HYAL4: variants seen among roughly 807,000 people sequenced by gnomAD.
The protein encoded by HYAL4 is hyaluronidase 4.
In HYAL4, 37 loss-of-function variants were observed where a neutral mutation model predicts 35.2. That is an observed-to-expected ratio of 1.05 (90% CI 0.81 to 1.38). HYAL4 has a LOEUF of 1.38. Among genes scored for constraint, HYAL4 ranks in the 40% most tolerant of loss-of-function variants. The probability of loss-of-function intolerance (pLI) is 0.00; values close to 1 mark genes in which losing one functional copy is unlikely to be tolerated. For synonymous variants in HYAL4, 198 were observed against 203.2 expected (o/e 0.97, Z 0.22); for missense variants, 572 against 572.4 (o/e 1.00, Z 0.01).
chr7:123,854,744 G>T (rs1324743456), intron 2 of HYAL4, among the ~76,000 whole-genome samples: 1 of 152,132 alleles, frequency 6.6e-6, no homozygotes, highest in Non-Finnish European at 1.5e-5. Context: ...GGTCTACTTG[G>T]TCCAGAGCTG....
the HYAL4 span, among the ~76,000 whole-genome samples, chr7:123,808,729 C>T: frequency 2.0e-5 from 3 of 152,052 alleles, no homozygotes; most frequent in African/African-American, 7.2e-5. Flanking sequence ...GGCTTATAAA[C>T]AACAGAAATT....
chr7:123,801,652 C>A, the HYAL4 span, among the ~76,000 whole-genome samples: 1 of 152,036 alleles, frequency 6.6e-6, no homozygotes, highest in Non-Finnish European at 1.5e-5. Flanking sequence ...AATTTTATTT[C>A]ATGTTTGATT....
At chr7:123,767,224 A>G in the HYAL4 span, among the ~76,000 whole-genome samples, 1 of 152,186 alleles carries the variant, frequency 6.6e-6, no homozygotes, top group African/African-American at 2.4e-5. Flanking sequence ...ACTTTATCGT[A>G]TATGCCTCTC....
At chr7:123,875,774 AT>A (rs1219687346) in intron 4 of HYAL4, among the ~76,000 whole-genome samples, 7 of 151,986 alleles carry the variant, frequency 4.6e-5, no homozygotes, top group African/African-American at 1.5e-4. Context: ...ATTAATCACA[AT>A]CTCTTCCATA....
the HYAL4 span, among the ~76,000 whole-genome samples, chr7:123,821,199 T>A: frequency 6.6e-6 from 1 of 152,184 alleles, no homozygotes; most frequent in Non-Finnish European, 1.5e-5. Flanking sequence ...CATATAGTAG[T>A]TATTATAGTT....
At chr7:123,849,946 A>G (rs1806265322) in intron 2 of HYAL4, among the ~76,000 whole-genome samples, 1 of 152,196 alleles carries the variant, frequency 6.6e-6, no homozygotes, top group African/African-American at 2.4e-5. Context: ...ATGTTTCTAT[A>G]TTTCTCATAT....
chr7:123,806,686 A>G, the HYAL4 span, among the ~76,000 whole-genome samples: 1 of 151,648 alleles, frequency 6.6e-6, no homozygotes, highest in African/African-American at 2.4e-5. Flanking sequence ...TCCCAACCTC[A>G]GGTGATCCAT....
the HYAL4 span, among the ~76,000 whole-genome samples, chr7:123,789,178 T>C: frequency 6.6e-6 from 1 of 152,250 alleles, no homozygotes; most frequent in Non-Finnish European, 1.5e-5. Context: ...CTCAAGAAGA[T>C]TGTTATTTCT....
At chr7:123,867,173 AG>A (rs2116954566) in intron 2 of HYAL4, among the ~76,000 whole-genome samples, 1 of 152,296 alleles carries the variant, frequency 6.6e-6, no homozygotes, top group Non-Finnish European at 1.5e-5. Context: ...CTGCAGAGAA[AG>A]CCAATCACTG....
chr7:123,873,975 T>A (rs919236847), intron 3 of HYAL4, among the ~76,000 whole-genome samples: 2 of 152,300 alleles, frequency 1.3e-5, no homozygotes, highest in Middle Eastern at 3.4e-3. Context: ...TAACGTTGCT[T>A]CTTTGCCTGG....
chr7:123,861,294 A>G (rs17146431), intron 2 of HYAL4, among the ~76,000 whole-genome samples: 3,852 of 152,320 alleles, frequency 0.025, 153 homozygotes, highest in African/African-American at 0.088. Context: ...GACTATGGAC[A>G]TTGGAAAGAC....
chr7:123,861,413 A>G (rs1201676065), intron 2 of HYAL4, among the ~76,000 whole-genome samples: 1 of 152,218 alleles, frequency 6.6e-6, no homozygotes, highest in Non-Finnish European at 1.5e-5. Flanking sequence ...TTAGTTAAAA[A>G]CAGGTTGACA....
the HYAL4 span, among the ~76,000 whole-genome samples, chr7:123,817,918 C>T: frequency 1.3e-5 from 2 of 152,074 alleles, no homozygotes; most frequent in African/African-American, 2.4e-5. Context: ...CGCCCTGTCA[C>T]CCAAGCTGGA....
chr7:123,819,608 A>G, the HYAL4 span, among the ~76,000 whole-genome samples: 1 of 152,144 alleles, frequency 6.6e-6, no homozygotes, highest in African/African-American at 2.4e-5. Context: ...CATTGTGGTT[A>G]GTAGAAGGGT....
At chr7:123,871,620 T>G (rs938920264) in intron 3 of HYAL4, among the ~76,000 whole-genome samples, 1 of 152,168 alleles carries the variant, frequency 6.6e-6, no homozygotes, top group Non-Finnish European at 1.5e-5. Context: ...CAGTTAAGAT[T>G]ACAAAAAAGA....
At chr7:123,807,635 T>G in the HYAL4 span, among the ~76,000 whole-genome samples, 1 of 151,790 alleles carries the variant, frequency 6.6e-6, no homozygotes, top group Non-Finnish European at 1.5e-5. Flanking sequence ...GAGATAGGTT[T>G]TCACCATGTT....
the HYAL4 span, among the ~76,000 whole-genome samples, chr7:123,780,783 C>A: frequency 6.8e-6 from 1 of 147,956 alleles, no homozygotes; most frequent in Non-Finnish European, 1.5e-5. Context: ...ACCCCATGCT[C>A]TCTGAAACGT....
chr7:123,872,516 C>G (rs1240486672), intron 3 of HYAL4, among the ~76,000 whole-genome samples: 1 of 152,166 alleles, frequency 6.6e-6, no homozygotes, highest in East Asian at 1.9e-4. Context: ...GAGTGAATCC[C>G]CTGAGTAGCC....
chr7:123,775,438 GA>G, the HYAL4 span, among the ~76,000 whole-genome samples: 2 of 146,438 alleles, frequency 1.4e-5, no homozygotes, highest in East Asian at 2.0e-4. Context: ...CTTTAAAAAA[GA>G]AAAAAAAATG....
Sources: allele counts gnomAD v4.1 joint callset (sites outside exome capture counted in the v4.1 genomes callset), GRCh38; gene constraint gnomAD v4.1.1; transcripts MANE v1.5; gene names NCBI Gene and HGNC (gene_info 2026-07-23, HGNC 2026-07-21).